The following SLC7A6 variants were observed in gnomAD, a reference collection of about 807,000 sequenced individuals.
SLC7A6 encodes Y+L amino acid transporter 2.
A neutral mutation model predicts 46.6 loss-of-function variants in SLC7A6; 29 were observed. That is an observed-to-expected ratio of 0.62 (90% CI 0.46 to 0.85). SLC7A6 has a LOEUF of 0.85. Among genes scored for constraint, SLC7A6 ranks in the 40% least tolerant of loss-of-function variants. The pLI is 0.00. For missense variants in SLC7A6, 527 were observed against 647.6 expected (o/e 0.81, Z 2.02); for synonymous variants, 276 against 257.3 (o/e 1.07, Z -0.70).
At chr16:68,284,626 A>T in intron 3 of SLC7A6, 1 of 984,898 alleles carries the variant, frequency 1.0e-6, no homozygotes, top group Non-Finnish European at 1.2e-6. Context: ...AGGAAGGAGA[A>T]GGATCAGAAG....
At chr16:68,280,682 C>T (rs959828075) in intron 3 of SLC7A6, among the ~76,000 whole-genome samples, 3 of 151,928 alleles carry the variant, frequency 2.0e-5, no homozygotes, top group African/African-American at 7.3e-5. Flanking sequence ...ATGCTCCTGC[C>T]TCAGCCTCTC....
chr16:68,301,734 G>A lies in SLC7A6; in HGVS notation c.*4406G>A, dbSNP rs1001182381. The A allele has an allele frequency of 1.0e-4, 18 of 177,490 alleles. No individual in the cohort carries two copies. The highest frequency in any genetic ancestry group is 3.1e-4 in the African/African-American group (13 of 42,216). 11.0% of individuals were successfully genotyped at this position (177,490 alleles called of 1,614,324 possible). ...TTTTGTACCTTTCTCCTTTTAACGT[G>A]TTATTGACAAACCTCCCCAAAAGAA... On this transcript the variant is annotated 3_prime_UTR_variant, in exon 11 of 11. Transcript: ENST00000219343.
intron 3 of SLC7A6, among the ~76,000 whole-genome samples, chr16:68,279,213 G>T (rs931633135): frequency 4.6e-5 from 7 of 151,634 alleles, no homozygotes; most frequent in African/African-American, 1.7e-4. Context: ...GCAGTGGTGT[G>T]CATCTGTAAT....
At chr16:68,294,566 A>T in intron 7 of SLC7A6, 139 bp from the exon 8 acceptor site, 1 of 674,964 alleles carries the variant, frequency 1.5e-6, no homozygotes, top group Non-Finnish European at 2.7e-6. Context: ...CTGGTGATGC[A>T]CTAAGGACCT....
At chr16:68,286,637 C>T (rs2042940902) in intron 3 of SLC7A6, among the ~76,000 whole-genome samples, 1 of 152,152 alleles carries the variant, frequency 6.6e-6, no homozygotes, top group South Asian at 2.1e-4. Flanking sequence ...TTATGTCGTC[C>T]CCATGGATCA....
At chr16:68,266,192 G>A (rs906550986) in intron 1 of SLC7A6, among the ~76,000 whole-genome samples, 4 of 152,176 alleles carry the variant, frequency 2.6e-5, no homozygotes, top group East Asian at 3.9e-4. Flanking sequence ...CCCGGGAGGC[G>A]GAGGTTGCAG....
rs758847260 is a variant in SLC7A6 at position 68,294,701 on chromosome 16, C to A, written c.1023-4C>A. On this transcript the variant is annotated splice_polypyrimidine_tract_variant and splice_region_variant and intron_variant, in intron 7 of 10. Transcript: ENST00000219343. ...TCCTGCTGACACATTTCTCATCCTT[C>A]TAGGTTGTTCTTCGTGGGCTCCCGG... 6.2e-7 allele frequency: 1 copy of A among 1,604,896 alleles called. No individual in the cohort carries two copies. The highest frequency in any genetic ancestry group is 1.3e-5 in the African/African-American group (1 of 74,864).
intron 2 of SLC7A6, among the ~76,000 whole-genome samples, chr16:68,271,426 C>T (rs994470578): frequency 3.3e-5 from 5 of 150,286 alleles, no homozygotes; most frequent in Non-Finnish European, 7.4e-5. Flanking sequence ...CCACTTCAGC[C>T]TCCTGAGTAA....
Position 68,294,742 on chromosome 16 carries a change from G to C in SLC7A6, c.1060G>C (p.Asp354His). Residue 354 changes from aspartate to histidine, a missense_variant, in exon 8 of 11, where the codon GAC (aspartate) becomes CAC (histidine). By Grantham distance (81) the Asp-to-His change is moderately conservative. Coordinates refer to ENST00000219343, the MANE Select transcript of SLC7A6 (RefSeq NM_003983.6). ...FVGSREGHLP[D>H]LLSMIHIERF... ...GGGCTCCCGGGAGGGCCACCTACCG[G>C]ACCTTCTGTCCATGATCCACATTGA... is the stretch of plus-strand genomic sequence containing the variant. 1 of 1,614,072 alleles carries C rather than the reference G, an allele frequency of 6.2e-7. No individual in the cohort carries two copies. Among genetic ancestry groups the C allele is most frequent in the Non-Finnish European group, 8.5e-7 (1 of 1,179,972 alleles).
chr16:68,297,243 C>T lies in SLC7A6; in HGVS notation c.1463C>T (p.Thr488Ile), dbSNP rs1270753136. 1 of 1,613,942 alleles carries T rather than the reference C, an allele frequency of 6.2e-7. No homozygotes were observed. Among genetic ancestry groups the T allele is most frequent in the Admixed American group, 1.7e-5 (1 of 59,988 alleles). The change falls in exon 11 of 11, where the codon ACC becomes ATC. Residue 488 changes from threonine to isoleucine, a missense_variant. By Grantham distance (89) the Thr-to-Ile change is moderately conservative. Coordinates refer to ENST00000219343, the MANE Select transcript of SLC7A6 (RefSeq NM_003983.6). ...CTCTATTTTCATTTAGCTGCTATCA[C>T]CAGAGGCACCCAGCAGCTTTGCTTT... The part of the protein sequence containing the change: ...LFIRNVLAAI[T>I]RGTQQLCFCV...
chr16:68,290,322 C>T, intron 4 of SLC7A6, 74 bp from the exon 5 acceptor site: 5 of 1,494,190 alleles, frequency 3.3e-6, no homozygotes, highest in South Asian at 1.2e-5. Flanking sequence ...TCTCTTACAC[C>T]TCCCATCTCC....
chr16:68,287,827 C>T lies in SLC7A6; in HGVS notation c.605C>T (p.Ala202Val), dbSNP rs775712749. Residue 202 changes from alanine to valine, a missense_variant, in exon 4 of 11, where the codon GCG becomes GTG. Transcript: ENST00000219343. Reference sequence around the variant, plus strand: ...ACGTTCACTTACGCCAAGGTCGTAGCGCTCATTGCCATCATTGTCATGGGC... The same window carrying T: ...ACGTTCACTTACGCCAAGGTCGTAGTGCTCATTGCCATCATTGTCATGGGC... ...QDTFTYAKVV[A>V]LIAIIVMGLV... 16 of 1,614,192 alleles carry T rather than the reference C, an allele frequency of 9.9e-6. No homozygotes were observed. The highest frequency in any genetic ancestry group is 4.4e-5 in the South Asian group (4 of 91,086).
chr16:68,300,734 G>A lies in SLC7A6; in HGVS notation c.*3406G>A, dbSNP rs2043255142. ...TCACAACCGTTATCAGAGTTTGGAA[G>A]CAGAAATAGCTGTTAACTAAAATCT... is the stretch of plus-strand genomic sequence containing the variant. On this transcript the variant is annotated 3_prime_UTR_variant, in exon 11 of 11. Coordinates refer to ENST00000219343, the MANE Select transcript of SLC7A6 (RefSeq NM_003983.6). The A allele has an allele frequency of 4.1e-6, 4 of 985,374 alleles. No individual in the cohort carries two copies. Among genetic ancestry groups the A allele is most frequent in the Non-Finnish European group, 4.8e-6 (4 of 829,974 alleles). 61.0% of individuals were successfully genotyped at this position (985,374 alleles called of 1,614,324 possible).
rs1344519195 is a variant in SLC7A6 at position 68,292,067 on chromosome 16, C to G, written c.1022+406C>G. 3 of 167,250 alleles carry G rather than the reference C, an allele frequency of 1.8e-5. No individual in the cohort carries two copies. In the Admixed American group the frequency reaches 1.8e-4, roughly 10 times the overall value. 10.4% of individuals were successfully genotyped at this position (167,250 alleles called of 1,614,324 possible). On this transcript the variant is annotated intron_variant, in intron 7 of 10. Transcript: ENST00000219343. ...AAGGTATAGGGGAGAAAGGCAACAG[C>G]TTGGAGTGGTGACTTGGGCAGGGAC...
At chr16:68,286,114 A>AAAAAAAAAAC (rs2042926525) in intron 3 of SLC7A6, among the ~76,000 whole-genome samples, 1 of 150,064 alleles carries the variant, frequency 6.7e-6, no homozygotes, top group African/African-American at 2.5e-5. Flanking sequence ...AAAAAAAAAA[A>AAAAAAAAAAC]GAAGGAAAGA....
intron 10 of SLC7A6, 38 bp downstream of exon 10, chr16:68,296,848 T>C (rs1325246101): frequency 1.2e-6 from 2 of 1,608,954 alleles, no homozygotes; most frequent in Admixed American, 1.7e-5. Flanking sequence ...CTGGCGGCTA[T>C]GTGTGCATGC....
chr16:68,279,624 C>T (rs1319166822), intron 3 of SLC7A6, among the ~76,000 whole-genome samples: 2 of 152,158 alleles, frequency 1.3e-5, no homozygotes, highest in Non-Finnish European at 2.9e-5. Flanking sequence ...CTGCAACCTC[C>T]ACCTCCCAGG....
At chr16:68,273,372 C>A in intron 2 of SLC7A6, among the ~76,000 whole-genome samples, 1 of 152,158 alleles carries the variant, frequency 6.6e-6, no homozygotes, top group East Asian at 1.9e-4. Context: ...CCTTAAAGGA[C>A]TAACTGTTAC....
In SLC7A6 at chr16:68,301,019, T is replaced by A. The variant is rs192357895; in HGVS notation, c.*3691T>A. ...AGCTAAAGCTAAAGAAACCTTCCTTTTTTCAACGTTTTTTTTTCTTTCAAA... is the reference window on the plus strand; with the variant it reads ...AGCTAAAGCTAAAGAAACCTTCCTTATTTCAACGTTTTTTTTTCTTTCAAA... On this transcript the variant is annotated 3_prime_UTR_variant, in exon 11 of 11. Coordinates refer to ENST00000219343, the MANE Select transcript of SLC7A6 (RefSeq NM_003983.6). 1 of 1,138,004 alleles carries A rather than the reference T, an allele frequency of 8.8e-7. No homozygotes were observed. Among genetic ancestry groups the A allele is most frequent in the African/African-American group, 1.6e-5 (1 of 62,250 alleles). The allele number at this position is 1,138,004 out of a possible 1,614,324, so 70.5% of individuals were successfully genotyped here. A position where few individuals can be genotyped will look rare whatever the true frequency, so the allele number is the denominator to read the frequency against.
Sources: gnomAD v4.1 joint callset for allele counts (sites outside exome capture counted in the v4.1 genomes callset) on GRCh38, gnomAD v4.1.1 for gene constraint, MANE v1.5 for transcripts, NCBI Gene and HGNC (gene_info 2026-07-23, HGNC 2026-07-21) for gene names.